Variants in TMEM117 observed in about 807,000 individuals in gnomAD.
The protein encoded by TMEM117 is transmembrane protein 117.
TMEM117 carries 27 observed loss-of-function variants against 52.4 expected under a neutral mutation model. The ratio of observed to expected loss-of-function variants is 0.51; its 90% CI spans 0.38 to 0.71. The LOEUF (loss-of-function observed/expected upper bound fraction) is 0.71. TMEM117 is among the 30% of genes least tolerant of loss of function. The pLI is 0.00. For missense variants in TMEM117, 556 were observed against 630.5 expected (o/e 0.88, Z 1.26); for synonymous variants, 215 against 206.3 (o/e 1.04, Z -0.36).
chr12:44,295,688 T>C (rs1950759769), intron 5 of TMEM117, among the ~76,000 whole-genome samples: 1 of 151,836 alleles, frequency 6.6e-6, no homozygotes, highest in South Asian at 2.1e-4. Context: ...TTTTTTTTTT[T>C]ATGGTTTCTA....
At chr12:43,921,973 C>G (rs2137558248) in intron 2 of TMEM117, among the ~76,000 whole-genome samples, 1 of 152,262 alleles carries the variant, frequency 6.6e-6, no homozygotes, top group East Asian at 1.9e-4. Flanking sequence ...TAAAAGTGGA[C>G]TTTCTTCCTG....
the TMEM117 span, among the ~76,000 whole-genome samples, chr12:43,805,052 GCATT>G: frequency 6.6e-6 from 1 of 152,280 alleles, no homozygotes. Flanking sequence ...ACAATAAAAT[GCATT>G]CAGTCTTAAC....
intron 3 of TMEM117, among the ~76,000 whole-genome samples, chr12:44,007,519 C>T (rs965984725): frequency 2.6e-5 from 4 of 152,046 alleles, no homozygotes; most frequent in Admixed American, 6.6e-5. Flanking sequence ...TTCTCTCAAC[C>T]CTTCATTACA....
intron 3 of TMEM117, among the ~76,000 whole-genome samples, chr12:44,087,007 T>C (rs1947581738): frequency 6.8e-6 from 1 of 147,782 alleles, no homozygotes; most frequent in Non-Finnish European, 1.5e-5. Context: ...ATAAATTATG[T>C]ATTATATAAT....
At chr12:43,923,336 G>T (rs1324651877) in intron 2 of TMEM117, among the ~76,000 whole-genome samples, 1 of 152,086 alleles carries the variant, frequency 6.6e-6, no homozygotes, top group African/African-American at 2.4e-5. Flanking sequence ...TTCAAGTAAT[G>T]CTTTGCATTT....
intron 3 of TMEM117, among the ~76,000 whole-genome samples, chr12:44,007,748 CGTGATA>C (rs1946222857): frequency 6.6e-6 from 1 of 152,056 alleles, no homozygotes; most frequent in Non-Finnish European, 1.5e-5. Context: ...GTGCTGTTCT[CGTGATA>C]GTGAATAAGT....
intron 3 of TMEM117, among the ~76,000 whole-genome samples, chr12:43,960,132 T>C (rs1945377962): frequency 1.3e-5 from 2 of 152,198 alleles, no homozygotes; most frequent in Admixed American, 1.3e-4. Context: ...AGGCTAAACA[T>C]TGACTTGCTT....
At chr12:43,819,615 A>G in the TMEM117 span, among the ~76,000 whole-genome samples, 2 of 152,190 alleles carry the variant, frequency 1.3e-5, no homozygotes, top group African/African-American at 2.4e-5. Context: ...TCTACTAAAA[A>G]TACAAAAATT....
At chr12:43,883,255 A>G (rs1943929885) in intron 2 of TMEM117, among the ~76,000 whole-genome samples, 1 of 152,204 alleles carries the variant, frequency 6.6e-6, no homozygotes, top group African/African-American at 2.4e-5. Context: ...TATTTTGGAG[A>G]CATGCATTTA....
chr12:44,363,675 T>G (rs552415808), intron 6 of TMEM117, among the ~76,000 whole-genome samples: 17 of 152,306 alleles, frequency 1.1e-4, no homozygotes, highest in Middle Eastern at 3.4e-3. Context: ...TTGCAGGTAT[T>G]TACATTAAAA....
intron 3 of TMEM117, among the ~76,000 whole-genome samples, chr12:44,059,360 G>C (rs73091734): frequency 6.6e-6 from 1 of 152,136 alleles, no homozygotes; most frequent in African/African-American, 2.4e-5. Context: ...GTAAATAAAT[G>C]TGAAAAATTA....
intron 3 of TMEM117, among the ~76,000 whole-genome samples, chr12:44,088,695 G>C (rs983950550): frequency 2.6e-5 from 4 of 152,190 alleles, no homozygotes; most frequent in African/African-American, 7.2e-5. Context: ...ATGGATCTTA[G>C]GTAGTTCTGG....
At chr12:44,246,103 C>T (rs1950126092) in intron 5 of TMEM117, among the ~76,000 whole-genome samples, 1 of 152,034 alleles carries the variant, frequency 6.6e-6, no homozygotes, top group African/African-American at 2.4e-5. Flanking sequence ...CAAGCTGAGT[C>T]ATATTACATT....
intron 3 of TMEM117, among the ~76,000 whole-genome samples, chr12:44,121,567 C>G (rs1948235230): frequency 6.6e-6 from 1 of 152,006 alleles, no homozygotes; most frequent in Admixed American, 6.6e-5. Flanking sequence ...ACATATTGTA[C>G]AAATGTAGTA....
chr12:44,391,845 A>G (rs1448061838), downstream of TMEM117, among the ~76,000 whole-genome samples: 2 of 152,100 alleles, frequency 1.3e-5, no homozygotes, highest in African/African-American at 4.8e-5. Context: ...GGCAGCTACA[A>G]GTAGGGTATT....
chr12:44,193,632 T>C (rs1316729623), intron 4 of TMEM117, among the ~76,000 whole-genome samples: 4 of 152,186 alleles, frequency 2.6e-5, no homozygotes, highest in African/African-American at 4.8e-5. Context: ...AAAAAGGTGC[T>C]TTGGAAACTT....
At chr12:44,169,247 C>T (rs924532913) in intron 4 of TMEM117, among the ~76,000 whole-genome samples, 1 of 152,098 alleles carries the variant, frequency 6.6e-6, no homozygotes, top group Non-Finnish European at 1.5e-5. Context: ...TATGGTAATT[C>T]TATGTTTAAT....
rs1413606746 is a variant in TMEM117, at chr12:44,059,931, T to C, written c.411-83594T>C. ...GATGACAGCCTAAATAAGAAGAGTA[T>C]AGTGAAATAGCTTATGAATAGCTGT... On this transcript the variant is annotated intron_variant, in intron 3 of 7. Coordinates refer to ENST00000266534, the MANE Select transcript of TMEM117 (RefSeq NM_032256.3). Among the ~76,000 whole-genome samples, 4 of 152,138 alleles carry C rather than the reference T, an allele frequency of 2.6e-5. No homozygotes were observed. In the East Asian group the frequency reaches 7.7e-4, roughly 29 times the overall value.
At chr12:43,989,156 A>AT (rs1407783197) in intron 3 of TMEM117, among the ~76,000 whole-genome samples, 5 of 152,104 alleles carry the variant, frequency 3.3e-5, no homozygotes, top group African/African-American at 1.2e-4. Context: ...GTCATGTTCA[A>AT]TTTTTTATTG....
Sources: allele counts gnomAD v4.1 joint callset (sites outside exome capture counted in the v4.1 genomes callset), GRCh38; gene constraint gnomAD v4.1.1; transcripts MANE v1.5; gene names NCBI Gene and HGNC (gene_info 2026-07-23, HGNC 2026-07-21).